CHN1: variants seen among roughly 807,000 people sequenced by gnomAD.
The protein encoded by CHN1 is N-chimaerin.
Under a neutral mutation model 59.5 loss-of-function variants are expected in CHN1, and 37 were observed. The ratio of observed to expected loss-of-function variants is 0.62; its 90% CI spans 0.48 to 0.82. The LOEUF (loss-of-function observed/expected upper bound fraction) is 0.82. CHN1 is among the 40% of genes least tolerant of loss of function. The pLI, the probability that CHN1 is intolerant of heterozygous loss-of-function variation, is 0.00. For missense variants in CHN1, 469 were observed against 571.0 expected (o/e 0.82, Z 1.82); for synonymous variants, 206 against 200.4 (o/e 1.03, Z -0.24).
intron 7 of CHN1, among the ~76,000 whole-genome samples, chr2:174,827,696 G>A (rs1244411348): frequency 6.6e-6 from 1 of 152,196 alleles, no homozygotes; most frequent in East Asian, 1.9e-4. Context: ...ACGATATGGA[G>A]CTGAACTCGG....
Position 174,808,908 on chromosome 2 carries a change from C to G in CHN1, c.1099G>C (p.Ala367Pro), listed in dbSNP as rs1483084362. The change falls in exon 11 of 13, where the codon GCC (alanine) becomes CCC (proline). Residue 367 changes from alanine to proline, a missense_variant. This residue lies in a region of CHN1 where 225 missense variants were observed against 289.9 expected (regional missense o/e 0.78). Transcript: ENST00000409900. ...AAATACATGCATTCATACTTACTGG[C>G]AGATTCTATAAACTTAGGGTAGGCA... ...YDAYPKFIES[A>P]KIMDPDEQLE... 6.2e-7 allele frequency: 1 copy of G among 1,613,546 alleles called. No individual in the cohort carries two copies. Among genetic ancestry groups the G allele is most frequent in the African/African-American group, 1.3e-5 (1 of 74,920 alleles).
chr2:174,884,469 G>A (rs1687833997), intron 5 of CHN1, among the ~76,000 whole-genome samples: 1 of 152,022 alleles, frequency 6.6e-6, no homozygotes, highest in Non-Finnish European at 1.5e-5. Flanking sequence ...AATTTAACAA[G>A]CCTAACAATA....
At position 174,961,448 on chromosome 2, in the gene CHN1, G is replaced by A. The variant is rs1011359185; in HGVS notation, c.20-9246C>T. On this transcript the variant is annotated intron_variant, in intron 1 of 12. Coordinates refer to ENST00000409900, the MANE Select transcript of CHN1 (RefSeq NM_001822.7). The stretch of plus-strand genomic sequence containing the variant: ...CTCTACTAAAAATACAAAATTAGCC[G>A]GGCATGGTTGCAGGTGCCTGTAATC... Among the ~76,000 whole-genome samples, 66 of 151,506 alleles carry A rather than the reference G, an allele frequency of 4.4e-4. 1 individual carries two copies. The East Asian group carries it at 4.7e-3, about 11-fold the overall frequency.
At chr2:174,957,763 G>A (rs1690259943) in intron 1 of CHN1, among the ~76,000 whole-genome samples, 1 of 151,908 alleles carries the variant, frequency 6.6e-6, no homozygotes, top group Non-Finnish European at 1.5e-5. Context: ...AATGAGACTG[G>A]GACCCTATCT....
chr2:174,854,666 T>G (rs1416449493), intron 6 of CHN1, among the ~76,000 whole-genome samples: 2 of 152,322 alleles, frequency 1.3e-5, no homozygotes, highest in Non-Finnish European at 2.9e-5. Flanking sequence ...TTGAAAATAC[T>G]TATGGTATAG....
intron 6 of CHN1, among the ~76,000 whole-genome samples, chr2:174,849,260 G>A (rs1840633): frequency 0.32 from 48,093 of 151,910 alleles, 8,831 homozygotes; most frequent in Admixed American, 0.45. Flanking sequence ...TTTATAGCTA[G>A]GTAAAAGTAA....
At chr2:174,863,010 A>G (rs1471152839) in intron 6 of CHN1, among the ~76,000 whole-genome samples, 1 of 152,216 alleles carries the variant, frequency 6.6e-6, no homozygotes, top group Non-Finnish European at 1.5e-5. Flanking sequence ...AACAACTGAC[A>G]GTCAATGATA....
chr2:174,813,208 T>A (rs529973587), intron 8 of CHN1, among the ~76,000 whole-genome samples: 5 of 152,346 alleles, frequency 3.3e-5, no homozygotes, highest in Non-Finnish European at 7.4e-5. Context: ...CCCAAGGCCA[T>A]GCATTTAGTA....
At chr2:174,911,147 A>T (rs1294319017) in intron 5 of CHN1, among the ~76,000 whole-genome samples, 3 of 152,220 alleles carry the variant, frequency 2.0e-5, no homozygotes, top group Non-Finnish European at 4.4e-5. Context: ...AATGGCCCAT[A>T]GAAAATGTCC....
intron 3 of CHN1, among the ~76,000 whole-genome samples, chr2:174,932,313 T>C (rs991178146): frequency 2.6e-5 from 4 of 152,238 alleles, no homozygotes; most frequent in Non-Finnish European, 4.4e-5. Context: ...TTTGTAGATA[T>C]ACCATCTCCT....
intron 7 of CHN1, among the ~76,000 whole-genome samples, chr2:174,838,502 CAG>C (rs1357237201): frequency 1.3e-5 from 2 of 152,130 alleles, no homozygotes; most frequent in African/African-American, 4.8e-5. Flanking sequence ...GCTTGAAACA[CAG>C]AGACATGAAA....
At chr2:174,944,430 T>C (rs1210094014) in intron 3 of CHN1, among the ~76,000 whole-genome samples, 1 of 152,204 alleles carries the variant, frequency 6.6e-6, no homozygotes, top group African/African-American at 2.4e-5. Context: ...TTTCTCTTAT[T>C]ATCAATGAAA....
intron 12 of CHN1, 71 bp from the exon 13 acceptor site, chr2:174,800,358 A>T: frequency 1.7e-6 from 2 of 1,154,986 alleles, no homozygotes; most frequent in Non-Finnish European, 2.3e-6. Context: ...TTGAACACTA[A>T]AACAACAAGA....
intron 3 of CHN1, among the ~76,000 whole-genome samples, chr2:174,937,681 C>T (rs781313480): frequency 2.0e-5 from 3 of 151,632 alleles, no homozygotes; most frequent in Non-Finnish European, 4.4e-5. Context: ...GTCACAGGAG[C>T]GGATCCTTCA....
chr2:174,856,382 C>T (rs771091358), intron 6 of CHN1, among the ~76,000 whole-genome samples: 7 of 152,052 alleles, frequency 4.6e-5, no homozygotes, highest in Non-Finnish European at 7.4e-5. Flanking sequence ...CATCCATCTC[C>T]GTATATAATA....
chr2:174,952,194 C>A lies in CHN1; in HGVS notation c.28G>T (p.Glu10Ter). 1 of 1,461,660 alleles carries A rather than the reference C, an allele frequency of 6.8e-7. No homozygotes were observed. The highest frequency in any genetic ancestry group is 1.5e-5 in the South Asian group (1 of 67,830). The allele number at this position is 1,461,660 out of a possible 1,614,324, so 90.5% of individuals were successfully genotyped here. A position where few individuals can be genotyped will look rare whatever the true frequency, so the allele number is the denominator to read the frequency against. MALTLFDTD[E>*]YRPPVWKSYL... Reference sequence around the variant, plus strand: ...GATTTCCAAACAGGAGGTCTATATTCATCTGTATCTGAAAGAAAAAACATC... The same window carrying A: ...GATTTCCAAACAGGAGGTCTATATTAATCTGTATCTGAAAGAAAAAACATC... The change falls in exon 2 of 13, where the codon GAA becomes TAA. Residue 10 changes from glutamate (E) to a stop codon, truncating the protein, a stop_gained. Coordinates refer to ENST00000409900, the MANE Select transcript of CHN1 (RefSeq NM_001822.7). LOFTEE classifies it high-confidence loss of function.
At chr2:174,835,085 T>C (rs372800517) in intron 7 of CHN1, among the ~76,000 whole-genome samples, 7 of 152,204 alleles carry the variant, frequency 4.6e-5, no homozygotes, top group African/African-American at 1.4e-4. Flanking sequence ...GAAAATATCA[T>C]AAGTTGAGAG....
In CHN1 at chr2:174,877,867, T is replaced by C. The variant is rs1687617195; in HGVS notation, c.522A>G (p.Thr174=). The C allele has an allele frequency of 6.2e-7, 1 of 1,613,690 alleles. No individual in the cohort carries two copies. The highest frequency in any genetic ancestry group is 8.5e-7 in the Non-Finnish European group (1 of 1,179,706). Residue 174 remains threonine (T), a synonymous_variant, in exon 6 of 13, where the codon ACA becomes ACG. Coordinates refer to ENST00000409900, the MANE Select transcript of CHN1 (RefSeq NM_001822.7). ...TTTTCTCTGACACCCCATCCTGGCC[T>C]GTAGAATCTCTCTCATCATGTGTCT... ...LKETHDERDS[T]GQDGVSEKRL...
chr2:174,958,689 T>C (rs1690298527), intron 1 of CHN1, among the ~76,000 whole-genome samples: 1 of 152,218 alleles, frequency 6.6e-6, no homozygotes, highest in Non-Finnish European at 1.5e-5. Context: ...TATTTATTTA[T>C]AAAATGGAAT....
Sources: allele counts gnomAD v4.1 joint callset (sites outside exome capture counted in the v4.1 genomes callset), GRCh38; gene constraint gnomAD v4.1.1; regional missense constraint gnomAD v4.1.1; transcripts MANE v1.5; gene names NCBI Gene and HGNC (gene_info 2026-07-23, HGNC 2026-07-21).